The following PWWP4 variants were observed in gnomAD, a reference collection of about 807,000 sequenced individuals.
PWWP4 encodes PWWP domain containing 4, also known as putative PWWP domain-containing DNA repair factor 4.
At chrX:153,266,465 ATGTGAGGATGTGTG>A in the PWWP4 span, among the ~76,000 whole-genome samples, 17 of 59,545 alleles carry the variant, frequency 2.9e-4, no homozygotes, top group African/African-American at 1.1e-3. Flanking sequence ...GCGTGTTTGT[ATGTGAGGATGTGTG>A]TGTGAGGATG....
upstream of PWWP4, among the ~76,000 whole-genome samples, chrX:153,271,156 A>G (rs2051805030): frequency 8.7e-6 from 1 of 114,429 alleles, no homozygotes; most frequent in Non-Finnish European, 1.9e-5. Context: ...CTGCTGGTAC[A>G]CCCACCTCCC....
upstream of PWWP4, among the ~76,000 whole-genome samples, chrX:153,269,192 TGTGG>T (rs2051798969): frequency 2.0e-5 from 1 of 49,878 alleles, no homozygotes; most frequent in African/African-American, 8.7e-5. Context: ...TGTGTGTGTG[TGTGG>T]AGAGAGAGAG....
rs1398379907 is a variant in PWWP4, at chrX:153,272,675, G to A, written c.1058G>A (p.Trp353Ter). 6.2e-5 allele frequency among the ~76,000 whole-genome samples: 7 copies of A among 112,305 alleles called. No homozygotes were observed. In the East Asian group the frequency reaches 1.8e-3, roughly 30 times the overall value. Residue 353 changes from tryptophan (W) to a stop codon, truncating the protein, a stop_gained, in exon 1 of 1, where the codon TGG becomes TAG. Transcript: ENST00000458091. LOFTEE classifies it high-confidence loss of function. Reference sequence around the variant, plus strand: ...GGCGCCCTGCGAGGTTACAAGTCATGGGTGTGCAGGGCCATTGCCCCTACT... The same window carrying A: ...GGCGCCCTGCGAGGTTACAAGTCATAGGTGTGCAGGGCCATTGCCCCTACT...
chrX:153,266,533 ATG>A, the PWWP4 span, among the ~76,000 whole-genome samples: 6 of 105,447 alleles, frequency 5.7e-5, no homozygotes. Context: ...GTGTGTATGG[ATG>A]TGTGTGTGTG....
upstream of PWWP4, among the ~76,000 whole-genome samples, chrX:153,271,284 C>T (rs1175493145): frequency 8.9e-6 from 1 of 112,438 alleles, no homozygotes; most frequent in African/African-American, 3.2e-5. Context: ...TCTGTCTATC[C>T]CTCTGTCTAA....
At position 153,275,714 on chromosome X, in the gene PWWP4, C is replaced by CA. The variant is rs2051824339; in HGVS notation, c.4097_4098insA (p.Gln1367ProfsTer16). ...CCAGGAGCCCTGCATGGTGACAGCT[C>CA]CCAGGTGCACACGACCATTGCTCCA... is the stretch of plus-strand genomic sequence containing the variant. On this transcript the variant is annotated frameshift_variant, in exon 1 of 1. Coordinates refer to ENST00000458091, the Ensembl canonical transcript of PWWP4. LOFTEE classifies it high-confidence loss of function. Among the ~76,000 whole-genome samples, 62 of 93,998 alleles carry CA rather than the reference C, an allele frequency of 6.6e-4. No homozygotes were observed. Among genetic ancestry groups the CA allele is most frequent in the African/African-American group, 2.5e-3 (56 of 22,427 alleles). The allele number at this position is 93,998 out of a possible 115,157, so 81.6% of individuals were successfully genotyped here.
At chrX:153,270,199 T>TCTCACA (rs1556952259), upstream of PWWP4, among the ~76,000 whole-genome samples, 1 of 66,063 alleles carries the variant, frequency 1.5e-5, no homozygotes, top group Non-Finnish European at 3.3e-5. Flanking sequence ...TCTCTCTCTC[T>TCTCACA]CACACACACA....
upstream of PWWP4, among the ~76,000 whole-genome samples, chrX:153,271,063 G>C (rs2051804679): frequency 8.9e-6 from 1 of 112,467 alleles, no homozygotes; most frequent in Non-Finnish European, 1.9e-5. Flanking sequence ...TAGCACCCTA[G>C]AAATAAAAAC....
the PWWP4 span, among the ~76,000 whole-genome samples, chrX:153,266,372 T>G: frequency 4.0e-4 from 41 of 101,441 alleles, 4 homozygotes; most frequent in African/African-American, 1.6e-3. Context: ...GACATGTGTG[T>G]ATGTGTGTGC....
upstream of PWWP4, among the ~76,000 whole-genome samples, chrX:153,266,773 G>C (rs1160719108): frequency 8.0e-4 from 59 of 74,209 alleles, no homozygotes; most frequent in African/African-American, 3.3e-3. Context: ...CATACATTAG[G>C]AGAGGGAAAT....
At chrX:153,270,176 T>TTCTC (rs1184739253), upstream of PWWP4, among the ~76,000 whole-genome samples, 1,701 of 101,208 alleles carry the variant, frequency 0.017, 58 homozygotes, top group African/African-American at 0.05. Flanking sequence ...CACATTTCAT[T>TTCTC]TCTCTCTCTC....
upstream of PWWP4, among the ~76,000 whole-genome samples, chrX:153,270,433 G>A (rs2051802940): frequency 1.2e-5 from 1 of 85,183 alleles, no homozygotes; most frequent in Non-Finnish European, 2.2e-5. Context: ...GAAGACGTCA[G>A]TTCTGTTTCA....
At chrX:153,267,085 GT>G (rs1212069125), upstream of PWWP4, among the ~76,000 whole-genome samples, 1 of 55,865 alleles carries the variant, frequency 1.8e-5, no homozygotes, top group Non-Finnish European at 3.0e-5. Context: ...CGGTGCAATT[GT>G]TCACTAATTG....
At chrX:153,272,819 T>C (rs1318941145) in exon 1 of PWWP4, among the ~76,000 whole-genome samples, 15 of 114,114 alleles carry the variant, frequency 1.3e-4, no homozygotes, top group Non-Finnish European at 3.7e-5. Flanking sequence ...CCAGGGACCC[T>C]GCAGGGAAAC....
At chrX:153,271,282 T>A (rs2051805523), upstream of PWWP4, among the ~76,000 whole-genome samples, 1 of 112,550 alleles carries the variant, frequency 8.9e-6, no homozygotes, top group Admixed American at 9.5e-5. Flanking sequence ...CATCTGTCTA[T>A]CCCTCTGTCT....
the PWWP4 span, among the ~76,000 whole-genome samples, chrX:153,266,386 C>T: frequency 2.2e-4 from 21 of 95,312 alleles, no homozygotes; most frequent in Middle Eastern, 5.4e-3. Flanking sequence ...TGTGTGCGCG[C>T]GTGTGTGTGG....
At chrX:153,266,353 A>C in the PWWP4 span, among the ~76,000 whole-genome samples, 1 of 96,565 alleles carries the variant, frequency 1.0e-5, no homozygotes, top group African/African-American at 4.2e-5. Context: ...GTGTGTGAGG[A>C]TGTGTGTGGA....
the PWWP4 span, among the ~76,000 whole-genome samples, chrX:153,266,338 GGT>G: frequency 9.8e-5 from 10 of 101,759 alleles, no homozygotes; most frequent in African/African-American, 1.2e-4. Context: ...TGCGTGTGTG[GGT>G]GTGTGTGTGA....
chrX:153,270,212 C>CACACAG (rs1482325540), upstream of PWWP4, among the ~76,000 whole-genome samples: 3 of 100,811 alleles, frequency 3.0e-5, no homozygotes, highest in Non-Finnish European at 4.0e-5. Flanking sequence ...CACACACACA[C>CACACAG]AGAGAGAGAG....
Sources: allele counts gnomAD v4.1 joint callset (sites outside exome capture counted in the v4.1 genomes callset), GRCh38; gene constraint gnomAD v4.1.1; transcripts MANE v1.5; gene names NCBI Gene and HGNC (gene_info 2026-07-23, HGNC 2026-07-21).